Variants in AGPAT4 observed in about 807,000 individuals in gnomAD.
AGPAT4 encodes the protein 1-acyl-sn-glycerol-3-phosphate acyltransferase delta.
In AGPAT4, 15 loss-of-function variants were observed where a neutral mutation model predicts 48.0. The ratio of observed to expected loss-of-function variants is 0.31; its 90% confidence interval spans 0.21 to 0.48. The LOEUF (loss-of-function observed/expected upper bound fraction) is 0.48. AGPAT4 is among the 20% of genes least tolerant of loss of function. The pLI is 0.99. For synonymous variants in AGPAT4, 178 were observed against 198.7 expected (o/e 0.90, Z 0.88); for missense variants, 314 against 482.5 (o/e 0.65, Z 3.27).
intron 3 of AGPAT4, among the ~76,000 whole-genome samples, chr6:161,156,701 T>C (rs1779777790): frequency 6.6e-6 from 1 of 152,164 alleles, no homozygotes; most frequent in Admixed American, 6.5e-5. Flanking sequence ...ATAAACAAAA[T>C]CTCTGCAGCA....
In AGPAT4 at chr6:161,146,429, C is replaced by A; in HGVS notation, c.843+95G>T. 1 of 1,186,852 alleles carries A rather than the reference C, an allele frequency of 8.4e-7. No individual in the cohort carries two copies. Among genetic ancestry groups the A allele is most frequent in the East Asian group, 2.4e-5 (1 of 41,846 alleles). The allele number at this position is 1,186,852 out of a possible 1,614,324, so 73.5% of individuals were successfully genotyped here. ...ACTAATAACTGGCTCTGTGAGATCTCGCCCACCGGAGAAAGGCCTGCTACC... is the reference window on the plus strand; with the variant it reads ...ACTAATAACTGGCTCTGTGAGATCTAGCCCACCGGAGAAAGGCCTGCTACC... On this transcript the variant is annotated intron_variant, in intron 7 of 8. Coordinates refer to ENST00000320285, the MANE Select transcript of AGPAT4 (RefSeq NM_020133.3). This position sits in a 1 kb window ranked among gnomAD's most constrained non-coding sequence, Gnocchi z 7.1.
chr6:161,148,834 T>C lies in AGPAT4; in HGVS notation c.767+353A>G, dbSNP rs1375366482. 6.6e-6 allele frequency among the ~76,000 whole-genome samples: 1 copy of C among 152,196 alleles called. No homozygotes were observed. The highest frequency in any genetic ancestry group is 2.4e-5 in the African/African-American group (1 of 41,444). ...GCATTTGTGTCTAGACCGCCTTATATAAATACACATCTGTGTGTATTCCAT... is the reference window on the plus strand; with the variant it reads ...GCATTTGTGTCTAGACCGCCTTATACAAATACACATCTGTGTGTATTCCAT... On this transcript the variant is annotated intron_variant, in intron 6 of 8. Transcript: ENST00000320285. This position sits in a 1 kb window ranked among gnomAD's most constrained non-coding sequence, Gnocchi z 5.5.
rs978835521 is a variant in AGPAT4, at chr6:161,266,235, C to T, written c.-90+7703G>A. Among the ~76,000 whole-genome samples, 3 of 152,166 alleles carry T rather than the reference C, an allele frequency of 2.0e-5. No individual in the cohort carries two copies. The highest frequency in any genetic ancestry group is 4.4e-5 in the Non-Finnish European group (3 of 68,032). On this transcript the variant is annotated intron_variant, in intron 1 of 8. Coordinates refer to ENST00000320285, the MANE Select transcript of AGPAT4 (RefSeq NM_020133.3). The surrounding 1 kb of genome is among the most constrained non-coding windows in gnomAD (Gnocchi z 6.2). Reference sequence around the variant, plus strand: ...ATTAATGGGCCCAAAATCTCAACATCGAGATTGAGAAACACCTCGCCCTCA... The same window carrying T: ...ATTAATGGGCCCAAAATCTCAACATTGAGATTGAGAAACACCTCGCCCTCA...
At position 161,131,805 on chromosome 6, in the gene AGPAT4, A is replaced by C. The variant is rs1306273166; in HGVS notation, c.*4735T>G. ...AATGTCCTGGACCAAGAGGAACAGC[A>C]ACATGTCCTTAGTCCTCAGCCTAAG... On this transcript the variant is annotated 3_prime_UTR_variant, in exon 9 of 9. Transcript: ENST00000320285. 2.0e-5 allele frequency: 3 copies of C among 152,268 alleles called. No homozygotes were observed. Among genetic ancestry groups the C allele is most frequent in the African/African-American group, 7.2e-5 (3 of 41,472 alleles). 9.4% of individuals were successfully genotyped at this position (152,268 alleles called of 1,614,324 possible). A position where few individuals can be genotyped will look rare whatever the true frequency, so the allele number is the denominator to read the frequency against.
chr6:161,265,029 G>T (rs1351146281), intron 1 of AGPAT4, among the ~76,000 whole-genome samples: 4 of 152,186 alleles, frequency 2.6e-5, no homozygotes, highest in Non-Finnish European at 5.9e-5. Context: ...CAGCAACTGT[G>T]GGGATGGATG....
chr6:161,243,508 C>T lies in AGPAT4; in HGVS notation c.-89-11206G>A, dbSNP rs537878352. Among the ~76,000 whole-genome samples, 21 of 152,196 alleles carry T rather than the reference C, an allele frequency of 1.4e-4. No individual in the cohort carries two copies. Among genetic ancestry groups the T allele is most frequent in the Non-Finnish European group, 2.5e-4 (17 of 68,034 alleles). On this transcript the variant is annotated intron_variant, in intron 1 of 8. Coordinates refer to ENST00000320285, the MANE Select transcript of AGPAT4 (RefSeq NM_020133.3). The surrounding 1 kb of genome is among the most constrained non-coding windows in gnomAD (Gnocchi z 4.8). Reference sequence around the variant, plus strand: ...GTGTGCCCAGAGCCTGCAGGAGAGGCGCTGTTTCCTAGCTGTGCAATCTTG... The same window carrying T: ...GTGTGCCCAGAGCCTGCAGGAGAGGTGCTGTTTCCTAGCTGTGCAATCTTG...
rs1288833485 is a variant in AGPAT4 at position 161,232,128 on chromosome 6, T to C, written c.86A>G (p.Asn29Ser). Residue 29 changes from asparagine to serine, a missense_variant, in exon 2 of 9, where the codon AAC becomes AGC. Coordinates refer to ENST00000320285, the MANE Select transcript of AGPAT4 (RefSeq NM_020133.3). The surrounding 1 kb of genome is among the most constrained non-coding windows in gnomAD (Gnocchi z 6.8). ...YVFIASGLII[N>S]TIQLFTLLLW... ...GAGGAGAGTGAAGAGCTGAATGGTGTTGATGATTAGCCCTGAGGCAATAAA... is the reference window on the plus strand; with the variant it reads ...GAGGAGAGTGAAGAGCTGAATGGTGCTGATGATTAGCCCTGAGGCAATAAA... 1 of 1,614,066 alleles carries C rather than the reference T, an allele frequency of 6.2e-7. No homozygotes were observed. Among genetic ancestry groups the C allele is most frequent in the Non-Finnish European group, 8.5e-7 (1 of 1,180,000 alleles).
intron 2 of AGPAT4, among the ~76,000 whole-genome samples, chr6:161,172,024 TAAAC>T (rs1780280428): frequency 2.0e-5 from 3 of 152,184 alleles, no homozygotes; most frequent in Admixed American, 6.5e-5. Flanking sequence ...TAACACATAT[TAAAC>T]AACCAGAAAA....
chr6:161,186,406 A>G (rs1780769592), intron 2 of AGPAT4, among the ~76,000 whole-genome samples: 1 of 152,110 alleles, frequency 6.6e-6, no homozygotes, highest in Non-Finnish European at 1.5e-5. Context: ...ATTTCAACTT[A>G]GAGCAACTCG....
At chr6:161,136,670 C>T (rs778439336) in intron 8 of AGPAT4, 36 bp from the exon 9 acceptor site, 5 of 1,590,522 alleles carry the variant, frequency 3.1e-6, no homozygotes, top group Non-Finnish European at 4.3e-6. Flanking sequence ...AGGAGTAGCC[C>T]AAACAGACTA....
At chr6:161,150,700 G>C (rs1296408189) in intron 5 of AGPAT4, among the ~76,000 whole-genome samples, 1 of 152,210 alleles carries the variant, frequency 6.6e-6, no homozygotes, top group Non-Finnish European at 1.5e-5. Context: ...AGGCGGGACT[G>C]TTCTCCTGAG....
rs770465216 is a variant in AGPAT4 at position 161,212,506 on chromosome 6, T to C, written c.178+19530A>G. On this transcript the variant is annotated intron_variant, in intron 2 of 8. Transcript: ENST00000320285. The surrounding 1 kb of genome is among the most constrained non-coding windows in gnomAD (Gnocchi z 6.1). The stretch of plus-strand genomic sequence containing the variant: ...TTTGGCTTATCTGGTATAAAAATTA[T>C]ACAGGAAACATTGTCAAATACGAAA... Among the ~76,000 whole-genome samples the C allele has an allele frequency of 5.9e-5, 9 of 152,228 alleles. No individual in the cohort carries two copies. Among genetic ancestry groups the C allele is most frequent in the Non-Finnish European group, 1.0e-4 (7 of 68,028 alleles).
chr6:161,190,551 G>C (rs1270131825), intron 2 of AGPAT4, among the ~76,000 whole-genome samples: 4 of 144,076 alleles, frequency 2.8e-5, no homozygotes, highest in Non-Finnish European at 6.0e-5. Context: ...AATCAGCAGA[G>C]AGCTCATGGG....
At position 161,177,787 on chromosome 6, in the gene AGPAT4, CT is replaced by C. The variant is rs1780468599; in HGVS notation, c.179-11371del. Among the ~76,000 whole-genome samples the C allele has an allele frequency of 6.6e-6, 1 of 152,180 alleles. No individual in the cohort carries two copies. Among genetic ancestry groups the C allele is most frequent in the African/African-American group, 2.4e-5 (1 of 41,446 alleles). ...TTTCTCCCCATCTTTGTGGTTTTAT[CT>C]ACCTTTGGTCTTTGATGATGGTGAC... On this transcript the variant is annotated intron_variant, in intron 2 of 8. Transcript: ENST00000320285. The surrounding 1 kb of genome is among the most constrained non-coding windows in gnomAD (Gnocchi z 5.0).
Position 161,165,675 on chromosome 6 carries a change from C to G in AGPAT4, c.348+573G>C, listed in dbSNP as rs770704154. ...ACGACAAAAGTCAACTGAAGAGACC[C>G]AGTTCCAAAGGCATGCAAGCTACGT... On this transcript the variant is annotated intron_variant, in intron 3 of 8. Transcript: ENST00000320285. This position sits in a 1 kb window ranked among gnomAD's most constrained non-coding sequence, Gnocchi z 5.5. 7.7e-7 allele frequency: 1 copy of G among 1,298,054 alleles called. No homozygotes were observed. Among genetic ancestry groups the G allele is most frequent in the Non-Finnish European group, 1.0e-6 (1 of 983,170 alleles). The allele number at this position is 1,298,054 out of a possible 1,614,324, so 80.4% of individuals were successfully genotyped here.
Position 161,144,273 on chromosome 6 carries a change from G to A in AGPAT4, c.843+2251C>T, listed in dbSNP as rs59871575. 43,310 of 482,502 alleles carry A rather than the reference G, an allele frequency of 0.09. 2,338 individuals carry two copies. The highest frequency in any genetic ancestry group is 0.12 in the Middle Eastern group (359 of 3,074). The allele number at this position is 482,502 out of a possible 1,614,324, so 29.9% of individuals were successfully genotyped here. ...ACTCGGTGTCGCCCCAGCCCTGCAC[G>A]GAGAGAGAAAGGGCCTGGACTCCAG... On this transcript the variant is annotated intron_variant, in intron 7 of 8. Transcript: ENST00000320285. This position sits in a 1 kb window ranked among gnomAD's most constrained non-coding sequence, Gnocchi z 6.6.
chr6:161,164,440 G>A lies in AGPAT4; in HGVS notation c.348+1808C>T, dbSNP rs1319714070. Among the ~76,000 whole-genome samples the A allele has an allele frequency of 1.3e-5, 2 of 152,222 alleles. No individual in the cohort carries two copies. Among genetic ancestry groups the A allele is most frequent in the African/African-American group, 2.4e-5 (1 of 41,454 alleles). On this transcript the variant is annotated intron_variant, in intron 3 of 8. Coordinates refer to ENST00000320285, the MANE Select transcript of AGPAT4 (RefSeq NM_020133.3). The surrounding 1 kb of genome is among the most constrained non-coding windows in gnomAD (Gnocchi z 7.4). The stretch of plus-strand genomic sequence containing the variant: ...CGAATGAGGCCTTTGCACATCACGA[G>A]CCAGGAAGGTATTAGAAGCCTGGTC...
In AGPAT4 at chr6:161,244,908, A is replaced by G. The variant is rs183013800; in HGVS notation, c.-89-12606T>C. On this transcript the variant is annotated intron_variant, in intron 1 of 8. Coordinates refer to ENST00000320285, the MANE Select transcript of AGPAT4 (RefSeq NM_020133.3). This position sits in a 1 kb window ranked among gnomAD's most constrained non-coding sequence, Gnocchi z 4.7. ...CCCAGGCCTGGGGAGTCCCAGTGTC[A>G]GAGACAGGCTATCTCAGAAAACCAA... 3.5e-4 allele frequency among the ~76,000 whole-genome samples: 54 copies of G among 152,340 alleles called. No individual in the cohort carries two copies. In the East Asian group the frequency reaches 9.1e-3, roughly 26 times the overall value.
In AGPAT4 at chr6:161,140,355, T is replaced by C. The variant is rs916858870; in HGVS notation, c.844-735A>G. Among the ~76,000 whole-genome samples the C allele has an allele frequency of 1.1e-4, 17 of 152,140 alleles. No individual in the cohort carries two copies. Among genetic ancestry groups the C allele is most frequent in the Admixed American group, 1.1e-3 (17 of 15,278 alleles). On this transcript the variant is annotated intron_variant, in intron 7 of 8. Coordinates refer to ENST00000320285, the MANE Select transcript of AGPAT4 (RefSeq NM_020133.3). The surrounding 1 kb of genome is among the most constrained non-coding windows in gnomAD (Gnocchi z 6.5). ...GGCTCATGTCCTTCCACTAAGCAGA[T>C]CCTTAGTGGGAACCATGTACTCATC...
Sources: allele counts gnomAD v4.1 joint callset (sites outside exome capture counted in the v4.1 genomes callset), GRCh38; gene constraint gnomAD v4.1.1; non-coding constraint Gnocchi (gnomAD v3.1); transcripts MANE v1.5; gene names NCBI Gene and HGNC (gene_info 2026-07-23, HGNC 2026-07-21).